AGPAT3: variants seen among roughly 807,000 people sequenced by gnomAD.
The protein encoded by AGPAT3 is 1-acylglycerol-3-phosphate O-acyltransferase 3, also known as 1-acyl-sn-glycerol-3-phosphate acyltransferase gamma.
Under a neutral mutation model 47.3 loss-of-function variants are expected in AGPAT3, and 5 were observed. The ratio of observed to expected loss-of-function variants is 0.11; its 90% CI spans 0.06 to 0.22. The LOEUF is 0.22. Ranked by LOEUF, AGPAT3 falls within the 10% of genes least tolerant of loss-of-function variation. The pLI is 1.00. For missense variants in AGPAT3, 315 were observed against 493.0 expected, an observed-to-expected ratio of 0.64 and a Z score of 3.42; for synonymous variants, 212 against 208.3, an observed-to-expected ratio of 1.02 and a Z score of -0.15.
At position 43,955,655 on chromosome 21, in the gene AGPAT3, C is replaced by T. The variant is rs1415262352; in HGVS notation, c.-48-3979C>T. On this transcript the variant is annotated intron_variant, in intron 2 of 9. Coordinates refer to ENST00000291572, the MANE Select transcript of AGPAT3 (RefSeq NM_020132.5). This position sits in a 1 kb window ranked among gnomAD's most constrained non-coding sequence, Gnocchi z 4.1. Reference sequence around the variant, plus strand: ...GTGCGGTGGCTCACACCTGTAATCCCAGCGCTTTGGGAGGTCGAGTTGGGC... The same window carrying T: ...GTGCGGTGGCTCACACCTGTAATCCTAGCGCTTTGGGAGGTCGAGTTGGGC... 2.6e-5 allele frequency among the ~76,000 whole-genome samples: 4 copies of T among 151,918 alleles called. No individual in the cohort carries two copies.
intron 2 of AGPAT3, among the ~76,000 whole-genome samples, chr21:43,956,048 G>A (rs1311496837): frequency 6.6e-6 from 1 of 152,288 alleles, no homozygotes; most frequent in Admixed American, 6.5e-5. Flanking sequence ...TGGTTCTTCT[G>A]GGCCAGTGTG....
At position 43,980,947 on chromosome 21, in the gene AGPAT3, A is replaced by T; in HGVS notation, c.844-42A>T. On this transcript the variant is annotated intron_variant, in intron 8 of 9. Transcript: ENST00000291572. ...CTCCTGCATTGAAATAATAGCTTGT[A>T]AAGAAGCCTCACGCTTCCTTTTTCT... 4 of 1,552,816 alleles carry T rather than the reference A, an allele frequency of 2.6e-6. No individual in the cohort carries two copies. In the South Asian group the frequency reaches 4.5e-5, roughly 17 times the overall value.
intron 1 of AGPAT3, among the ~76,000 whole-genome samples, chr21:43,874,101 C>A (rs921444375): frequency 6.6e-6 from 1 of 152,228 alleles, no homozygotes; most frequent in East Asian, 1.9e-4. Context: ...TCTCGGCTCA[C>A]TGCAACCTCC....
intron 1 of AGPAT3, among the ~76,000 whole-genome samples, chr21:43,887,327 A>G (rs2086002203): frequency 6.6e-6 from 1 of 152,240 alleles, no homozygotes; most frequent in South Asian, 2.1e-4. Context: ...AACCAAATGC[A>G]GCCTAGGAAC....
At chr21:43,905,771 C>T (rs957869622) in intron 2 of AGPAT3, among the ~76,000 whole-genome samples, 8 of 152,246 alleles carry the variant, frequency 5.3e-5, no homozygotes, top group South Asian at 2.1e-4. Flanking sequence ...ACTGCATTCC[C>T]GCTCTTCTGC....
intron 3 of AGPAT3, 52 bp downstream of exon 3, chr21:43,959,911 C>T (rs1329644260): frequency 9.1e-6 from 14 of 1,535,976 alleles, no homozygotes; most frequent in Middle Eastern, 1.8e-4. Flanking sequence ...GTGGGGGTGG[C>T]GCGCGACCAT....
intron 2 of AGPAT3, among the ~76,000 whole-genome samples, chr21:43,942,340 T>C (rs2087686514): frequency 6.6e-6 from 1 of 152,014 alleles, no homozygotes; most frequent in South Asian, 2.1e-4. Context: ...CCTCGCCAGC[T>C]CCCTCCCAGA....
chr21:43,886,686 G>T (rs768676905), intron 1 of AGPAT3, among the ~76,000 whole-genome samples: 1 of 152,154 alleles, frequency 6.6e-6, no homozygotes, highest in Non-Finnish European at 1.5e-5. Flanking sequence ...AAATAAGTGG[G>T]AACATGTTAT....
chr21:43,871,378 G>A (rs535884607), intron 1 of AGPAT3, among the ~76,000 whole-genome samples: 29 of 152,314 alleles, frequency 1.9e-4, no homozygotes, highest in South Asian at 1.5e-3. Context: ...GTAACTCCAC[G>A]TGTCTTTAAG....
intron 1 of AGPAT3, among the ~76,000 whole-genome samples, chr21:43,891,110 A>ACT (rs546564781): frequency 1.3e-5 from 2 of 152,080 alleles, no homozygotes; most frequent in Non-Finnish European, 2.9e-5. Context: ...ACATGGATGG[A>ACT]CTCTCTTTTT....
At chr21:43,877,587 C>T (rs1454838532) in intron 1 of AGPAT3, among the ~76,000 whole-genome samples, 2 of 152,116 alleles carry the variant, frequency 1.3e-5, no homozygotes, top group Non-Finnish European at 1.5e-5. Context: ...GGATTACAGG[C>T]ATGCACCACC....
intron 3 of AGPAT3, chr21:43,964,931 ATGTT>A (rs2089050759): frequency 6.2e-6 from 1 of 160,002 alleles, no homozygotes; most frequent in South Asian, 2.0e-4. Flanking sequence ...GGGTTTGTTT[ATGTT>A]TGTTTGTTTT....
intron 7 of AGPAT3, among the ~76,000 whole-genome samples, chr21:43,972,139 C>G (rs914720821): frequency 1.4e-5 from 2 of 140,882 alleles, no homozygotes; most frequent in East Asian, 2.0e-4. Flanking sequence ...AAAGGAAGAG[C>G]CTGTTTGATT....
intron 1 of AGPAT3, among the ~76,000 whole-genome samples, chr21:43,896,968 T>TC (rs1491334057): frequency 8.6e-5 from 11 of 127,406 alleles, no homozygotes; most frequent in African/African-American, 2.6e-4. Context: ...TTTTTTTTTT[T>TC]CAGTATTTAT....
chr21:43,940,162 C>T (rs746479603), intron 2 of AGPAT3, among the ~76,000 whole-genome samples: 1 of 152,232 alleles, frequency 6.6e-6, no homozygotes, highest in East Asian at 1.9e-4. Flanking sequence ...CGCTTGAGCT[C>T]GGCTCCTCAC....
intron 2 of AGPAT3, among the ~76,000 whole-genome samples, chr21:43,938,102 TCTCA>T (rs1420067608): frequency 7.0e-6 from 1 of 142,462 alleles, no homozygotes; most frequent in Non-Finnish European, 1.6e-5. Context: ...TCTCTCTCTC[TCTCA>T]CACACACACA....
At chr21:43,958,279 G>A (rs1206779657) in intron 2 of AGPAT3, among the ~76,000 whole-genome samples, 8 of 151,942 alleles carry the variant, frequency 5.3e-5, no homozygotes, top group Admixed American at 4.6e-4. Flanking sequence ...AGTGCTTGTT[G>A]TGTGTGTGAG....
intron 2 of AGPAT3, among the ~76,000 whole-genome samples, chr21:43,935,496 G>C (rs2087414263): frequency 6.6e-6 from 1 of 152,256 alleles, no homozygotes; most frequent in African/African-American, 2.4e-5. Context: ...GTGAGAAGTG[G>C]CCTTAGAGGT....
chr21:43,916,863 CACTT>C, intron 2 of AGPAT3, among the ~76,000 whole-genome samples: 1 of 152,308 alleles, frequency 6.6e-6, no homozygotes, highest in South Asian at 2.1e-4. Flanking sequence ...GTTTTTGTTT[CACTT>C]CGGTCGAGTT....
Sources: allele counts gnomAD v4.1 joint callset (sites outside exome capture counted in the v4.1 genomes callset), GRCh38; gene constraint gnomAD v4.1.1; non-coding constraint Gnocchi (gnomAD v3.1); transcripts MANE v1.5; gene names NCBI Gene and HGNC (gene_info 2026-07-23, HGNC 2026-07-21).